The following RSBN1L variants were observed in gnomAD, a reference collection of about 807,000 sequenced individuals.
RSBN1L encodes the protein round spermatid basic protein 1 like.
Under a neutral mutation model 67.7 loss-of-function variants are expected in RSBN1L, and 30 were observed. The observed-to-expected ratio is 0.44, with a 90% CI of 0.33 to 0.60. The LOEUF is 0.60. Among genes scored for constraint, RSBN1L ranks in the 20% least tolerant of loss-of-function variants. RSBN1L has a pLI of 0.02. For missense variants in RSBN1L, 992 were observed against 1,031.7 expected (o/e 0.96, Z 0.53); for synonymous variants, 433 against 387.0 (o/e 1.12, Z -1.39).
At chr7:77,697,383 G>A (rs894458759) in intron 1 of RSBN1L, 21 of 263,792 alleles carry the variant, frequency 8.0e-5, no homozygotes, top group Non-Finnish European at 1.3e-4. Flanking sequence ...GGAGGGAACG[G>A]GATGGGGGAA....
intron 1 of RSBN1L, among the ~76,000 whole-genome samples, chr7:77,707,774 A>T (rs1790914925): frequency 6.6e-6 from 1 of 152,114 alleles, no homozygotes; most frequent in African/African-American, 2.4e-5. Flanking sequence ...CACTTTCGAG[A>T]TAGGTCATAA....
chr7:77,701,131 G>A (rs543603890), intron 1 of RSBN1L, among the ~76,000 whole-genome samples: 6 of 131,194 alleles, frequency 4.6e-5, no homozygotes, highest in Non-Finnish European at 9.3e-5. Context: ...CAGCCTGGGC[G>A]ACAGAGCAAG....
chr7:77,772,372 A>G (rs954280688), intron 5 of RSBN1L, among the ~76,000 whole-genome samples: 12 of 152,236 alleles, frequency 7.9e-5, no homozygotes, highest in South Asian at 6.2e-4. Context: ...GTAGAGGAAG[A>G]TAAAATGATG....
chr7:77,776,583 A>C (rs1791917617), intron 6 of RSBN1L, among the ~76,000 whole-genome samples: 1 of 152,226 alleles, frequency 6.6e-6, no homozygotes, highest in African/African-American at 2.4e-5. Flanking sequence ...GTTATTCCAT[A>C]TAGTTTGAAG....
chr7:77,752,933 T>C (rs1791572544), intron 3 of RSBN1L, among the ~76,000 whole-genome samples: 1 of 152,210 alleles, frequency 6.6e-6, no homozygotes, highest in African/African-American at 2.4e-5. Flanking sequence ...CTGGTCTCTT[T>C]TCTGTAGTAT....
intron 3 of RSBN1L, among the ~76,000 whole-genome samples, chr7:77,759,115 G>A (rs1330826778): frequency 6.6e-6 from 1 of 152,074 alleles, no homozygotes; most frequent in Non-Finnish European, 1.5e-5. Context: ...GTAGAGTTGG[G>A]GCAGAACACT....
rs376640786 is a variant in RSBN1L, at chr7:77,778,753, G to A, written c.2126G>A (p.Gly709Asp). ...CAGAATACAGCTACTCATGAAACAGGCACATCATCAGATTCCACATCATCT... is the reference window on the plus strand; with the variant it reads ...CAGAATACAGCTACTCATGAAACAGACACATCATCAGATTCCACATCATCT... ...TSQNTATHET[G>D]TSSDSTSSVL... Residue 709 changes from glycine to aspartate, a missense_variant, in exon 8 of 8, where the codon GGC becomes GAC. Transcript: ENST00000334955. 15 of 1,613,968 alleles carry A rather than the reference G, an allele frequency of 9.3e-6. No individual in the cohort carries two copies. The highest frequency in any genetic ancestry group is 3.3e-4 in the Middle Eastern group (2 of 6,084).
At chr7:77,713,966 C>T (rs1294520863) in intron 1 of RSBN1L, among the ~76,000 whole-genome samples, 1 of 152,012 alleles carries the variant, frequency 6.6e-6, no homozygotes, top group African/African-American at 2.4e-5. Flanking sequence ...AATTTTGTTC[C>T]AGTAATTAGT....
chr7:77,745,958 A>G (rs1791478455), intron 2 of RSBN1L, among the ~76,000 whole-genome samples: 1 of 152,162 alleles, frequency 6.6e-6, no homozygotes, highest in Non-Finnish European at 1.5e-5. Context: ...AGAATCTAAT[A>G]CTGACAGGAA....
intron 1 of RSBN1L, among the ~76,000 whole-genome samples, chr7:77,722,243 A>G (rs1791129693): frequency 6.6e-6 from 1 of 152,084 alleles, no homozygotes; most frequent in Non-Finnish European, 1.5e-5. Flanking sequence ...TGGGAGATTA[A>G]TTTGGAGATT....
In RSBN1L at chr7:77,750,996, A is replaced by G. The variant is rs1246292463; in HGVS notation, c.1344+932A>G. Among the ~76,000 whole-genome samples, 3 of 152,142 alleles carry G rather than the reference A, an allele frequency of 2.0e-5. No individual in the cohort carries two copies. The East Asian group carries it at 5.8e-4, about 29-fold the overall frequency. On this transcript the variant is annotated intron_variant, in intron 3 of 7. Transcript: ENST00000334955. ...TCCAGGGCTCCTTTCCTTATTCTGAATATGTTCCTTTTTGGATGGGTGCTC... is the reference window on the plus strand; with the variant it reads ...TCCAGGGCTCCTTTCCTTATTCTGAGTATGTTCCTTTTTGGATGGGTGCTC...
At chr7:77,757,854 C>T (rs1376304616) in intron 3 of RSBN1L, among the ~76,000 whole-genome samples, 1 of 152,142 alleles carries the variant, frequency 6.6e-6, no homozygotes, top group Non-Finnish European at 1.5e-5. Context: ...AGTGTACAAG[C>T]TTCTGCTTGT....
intron 5 of RSBN1L, among the ~76,000 whole-genome samples, chr7:77,770,576 G>A (rs1272197022): frequency 8.6e-5 from 13 of 151,882 alleles, no homozygotes; most frequent in Non-Finnish European, 1.8e-4. Flanking sequence ...CTAGCTACTC[G>A]GAAGGCTGAG....
At chr7:77,711,021 A>G (rs945039584) in intron 1 of RSBN1L, among the ~76,000 whole-genome samples, 1 of 152,188 alleles carries the variant, frequency 6.6e-6, no homozygotes, top group African/African-American at 2.4e-5. Flanking sequence ...GAACTGAATG[A>G]CTTGCAGTAT....
chr7:77,725,837 G>A (rs1339499865), intron 1 of RSBN1L, among the ~76,000 whole-genome samples: 2 of 151,726 alleles, frequency 1.3e-5, no homozygotes, highest in African/African-American at 4.8e-5. Flanking sequence ...TCATCCGCCT[G>A]CCTCCCAAAG....
intron 1 of RSBN1L, among the ~76,000 whole-genome samples, chr7:77,701,170 ACAACAACAACAAC>A (rs1790813119): frequency 7.8e-6 from 1 of 128,526 alleles, no homozygotes; most frequent in Non-Finnish European, 1.6e-5. Context: ...AAAAAAAAAA[ACAACAACAACAAC>A]AACAACAAAA....
At chr7:77,704,587 C>G (rs1391935223) in intron 1 of RSBN1L, among the ~76,000 whole-genome samples, 2 of 152,002 alleles carry the variant, frequency 1.3e-5, no homozygotes, top group Non-Finnish European at 2.9e-5. Context: ...ATTTTTGGCT[C>G]TAGCATTTTA....
At chr7:77,767,355 C>T (rs977171459) in intron 4 of RSBN1L, among the ~76,000 whole-genome samples, 3 of 151,078 alleles carry the variant, frequency 2.0e-5, no homozygotes, top group African/African-American at 4.9e-5. Flanking sequence ...TCCTTCTTCC[C>T]TCTCTCTGTC....
In RSBN1L at chr7:77,779,590, AAT is replaced by A. The variant is rs1182838695; in HGVS notation, c.*425_*426del. ...AGCACTGTAGTGTAAATAGCTTTTA[AAT>A]ATCTTTTTAGTGTGATTTATACTGA... On this transcript the variant is annotated 3_prime_UTR_variant, in exon 8 of 8. Transcript: ENST00000334955. 2 of 151,544 alleles carry A rather than the reference AAT, an allele frequency of 1.3e-5. No homozygotes were observed. Among genetic ancestry groups the A allele is most frequent in the African/African-American group, 2.4e-5 (1 of 41,260 alleles). 9.4% of individuals were successfully genotyped at this position (151,544 alleles called of 1,614,324 possible).
Sources: allele counts gnomAD v4.1 joint callset (sites outside exome capture counted in the v4.1 genomes callset), GRCh38; gene constraint gnomAD v4.1.1; transcripts MANE v1.5; gene names NCBI Gene and HGNC (gene_info 2026-07-23, HGNC 2026-07-21).